ERBB4: variants seen among roughly 807,000 people sequenced by gnomAD.
ERBB4 encodes receptor tyrosine-protein kinase erbB-4.
A neutral mutation model predicts 158.0 loss-of-function variants in ERBB4; 42 were observed. The ratio of observed to expected loss-of-function variants is 0.27; its 90% confidence interval spans 0.21 to 0.34. The LOEUF (loss-of-function observed/expected upper bound fraction) is 0.34, where lower values mean the gene tolerates loss of function less well. Among genes scored for constraint, ERBB4 ranks in the 10% least tolerant of loss-of-function variants. ERBB4 has a pLI of 1.00. For missense variants in ERBB4, 1,333 were observed against 1,624.1 expected (o/e 0.82, Z 3.08); for synonymous variants, 583 against 558.7 (o/e 1.04, Z -0.61).
At position 212,140,523 on chromosome 2, in the gene ERBB4, GT is replaced by G. The variant is rs763019993; in HGVS notation, c.83-15621del. On this transcript the variant is annotated intron_variant, in intron 1 of 27. Transcript: ENST00000342788. ...AAAAGTATATTTCATTTTTAAAAAT[GT>G]TTTTTTTTTAATTTTAGGAAAGGGT... Among the ~76,000 whole-genome samples, 172 of 121,658 alleles carry G rather than the reference GT, an allele frequency of 1.4e-3. 1 individual carries two copies. The highest frequency in any genetic ancestry group is 0.012 in the East Asian group (59 of 4,902). The allele number at this position is 121,658 out of a possible 152,430, so 79.8% of individuals were successfully genotyped here. A position where few individuals can be genotyped will look rare whatever the true frequency, so the allele number is the denominator to read the frequency against.
At chr2:211,889,926 T>G (rs1171399252) in intron 3 of ERBB4, among the ~76,000 whole-genome samples, 30 of 133,184 alleles carry the variant, frequency 2.3e-4, no homozygotes, top group African/African-American at 7.3e-4. Context: ...AATCTACGTC[T>G]GATTGGTGTA....
intron 14 of ERBB4, among the ~76,000 whole-genome samples, chr2:211,666,185 T>A (rs1423326506): frequency 6.6e-6 from 1 of 152,156 alleles, no homozygotes; most frequent in African/African-American, 2.4e-5. Context: ...AAAGTCATAT[T>A]ATGTCTATTT....
intron 2 of ERBB4, among the ~76,000 whole-genome samples, chr2:212,080,901 T>C (rs980872108): frequency 5.3e-5 from 8 of 152,162 alleles, no homozygotes; most frequent in Non-Finnish European, 8.8e-5. Context: ...AATCGAATAT[T>C]ATTTCTGGAT....
rs2079496962 is a variant in ERBB4, at chr2:211,909,791, C to T, written c.421+37639G>A. Among the ~76,000 whole-genome samples the T allele has an allele frequency of 2.0e-5, 3 of 151,630 alleles. 1 individual carries two copies. Among genetic ancestry groups the T allele is most frequent in the Non-Finnish European group, 2.9e-5 (2 of 67,950 alleles). ...GTGTGTGTGTACACTCATTACTTTT[C>T]CATTTAAATACTCGATGTGAGGAGA... On this transcript the variant is annotated intron_variant, in intron 3 of 27. Transcript: ENST00000342788.
intron 1 of ERBB4, among the ~76,000 whole-genome samples, chr2:212,194,033 T>A (rs562547224): frequency 3.3e-5 from 5 of 152,018 alleles, no homozygotes; most frequent in Non-Finnish European, 7.4e-5. Context: ...TAAAAAGGAC[T>A]TTAAAGGTGC....
In ERBB4 at chr2:211,711,719, T is replaced by C. The variant is rs62182964; in HGVS notation, c.1124+331A>G. Among the ~76,000 whole-genome samples the C allele has an allele frequency of 5.7e-3, 867 of 152,308 alleles. 4 individuals carry two copies. Among genetic ancestry groups the C allele is most frequent in the Middle Eastern group, 0.02 (6 of 294 alleles). On this transcript the variant is annotated intron_variant, in intron 9 of 27. Transcript: ENST00000342788. ...AGAAGTTTGAATGAATTTTCCCACCTCAACCAATGATACTTTTTTCCCTAA... is the reference window on the plus strand; with the variant it reads ...AGAAGTTTGAATGAATTTTCCCACCCCAACCAATGATACTTTTTTCCCTAA...
chr2:212,157,814 C>T (rs1180006226), intron 1 of ERBB4, among the ~76,000 whole-genome samples: 1 of 152,174 alleles, frequency 6.6e-6, no homozygotes, highest in African/African-American at 2.4e-5. Context: ...CTATCTTCTA[C>T]TTAAGCCAGA....
intron 1 of ERBB4, among the ~76,000 whole-genome samples, chr2:212,395,498 TA>T (rs2090997805): frequency 6.6e-6 from 1 of 150,998 alleles, no homozygotes; most frequent in Non-Finnish European, 1.5e-5. Flanking sequence ...TGTCCTAAAA[TA>T]AAAAAGAATT....
At chr2:212,201,288 G>C (rs572537954) in intron 1 of ERBB4, among the ~76,000 whole-genome samples, 2 of 152,132 alleles carry the variant, frequency 1.3e-5, no homozygotes, top group African/African-American at 4.8e-5. Flanking sequence ...GTGGAGCATG[G>C]TGTTTTCCTC....
intron 2 of ERBB4, among the ~76,000 whole-genome samples, chr2:211,984,996 C>G (rs1411917694): frequency 2.6e-5 from 4 of 152,106 alleles, no homozygotes; most frequent in African/African-American, 9.7e-5. Context: ...CCCACGGCGC[C>G]TGGCCTGGCA....
At chr2:211,889,553 G>A (rs1222192182) in intron 3 of ERBB4, among the ~76,000 whole-genome samples, 1 of 151,038 alleles carries the variant, frequency 6.6e-6, no homozygotes, top group Non-Finnish European at 1.5e-5. Context: ...AAAGCTGGAT[G>A]GAGAATGACT....
At chr2:212,184,015 T>C (rs1051383234) in intron 1 of ERBB4, among the ~76,000 whole-genome samples, 4 of 152,148 alleles carry the variant, frequency 2.6e-5, no homozygotes, top group African/African-American at 9.7e-5. Flanking sequence ...CATTAAATCA[T>C]ATTTATGAAG....
chr2:212,215,429 C>A (rs1273069308), intron 1 of ERBB4, among the ~76,000 whole-genome samples: 2 of 151,292 alleles, frequency 1.3e-5, no homozygotes, highest in East Asian at 1.9e-4. Context: ...CATAAAAATT[C>A]TTGCTGTGTG....
intron 2 of ERBB4, among the ~76,000 whole-genome samples, chr2:212,039,711 T>C (rs891580896): frequency 1.3e-5 from 2 of 152,228 alleles, no homozygotes; most frequent in African/African-American, 4.8e-5. Context: ...GAAATTATGA[T>C]TACCTCTTTC....
rs992168198 is a variant in ERBB4 at position 211,376,412 on chromosome 2, A to G, written c.*7203T>C. 1 of 232,794 alleles carries G rather than the reference A, an allele frequency of 4.3e-6. No individual in the cohort carries two copies. The highest frequency in any genetic ancestry group is 2.2e-5 in the African/African-American group (1 of 45,294). The allele number at this position is 232,794 out of a possible 1,614,324, so 14.4% of individuals were successfully genotyped here. A position where few individuals can be genotyped will look rare whatever the true frequency, so the allele number is the denominator to read the frequency against. On this transcript the variant is annotated 3_prime_UTR_variant, in exon 28 of 28. Transcript: ENST00000342788. ...TTAACAAGCTATAAAAATACTATTC[A>G]CATTTTCAAACATACAGTAGTATTT...
intron 20 of ERBB4, among the ~76,000 whole-genome samples, chr2:211,445,679 G>A (rs2064093931): frequency 6.6e-6 from 1 of 152,130 alleles, no homozygotes; most frequent in Non-Finnish European, 1.5e-5. Flanking sequence ...TGAGTCACTA[G>A]ATTGCAGTGG....
chr2:211,955,439 C>A (rs2081001338), intron 2 of ERBB4, among the ~76,000 whole-genome samples: 1 of 152,000 alleles, frequency 6.6e-6, no homozygotes, highest in Non-Finnish European at 1.5e-5. Context: ...CTCTACATTC[C>A]CAATTGATTC....
chr2:211,771,373 A>G (rs56017633), intron 4 of ERBB4, among the ~76,000 whole-genome samples: 22,332 of 152,202 alleles, frequency 0.15, 1,839 homozygotes, highest in South Asian at 0.33. Flanking sequence ...CTGAATCTAA[A>G]CATAGTTGAA....
chr2:211,886,884 T>C (rs1193024575), intron 3 of ERBB4, among the ~76,000 whole-genome samples: 1 of 152,222 alleles, frequency 6.6e-6, no homozygotes, highest in Non-Finnish European at 1.5e-5. Flanking sequence ...TCACTGACTT[T>C]AGAACTGATA....
Sources: allele counts gnomAD v4.1 joint callset (sites outside exome capture counted in the v4.1 genomes callset), GRCh38; gene constraint gnomAD v4.1.1; transcripts MANE v1.5; gene names NCBI Gene and HGNC (gene_info 2026-07-23, HGNC 2026-07-21).